ZNF385D: variants seen among roughly 807,000 people sequenced by gnomAD.
ZNF385D encodes the protein zinc finger protein 385D, also known as zinc finger protein 659.
ZNF385D carries 15 observed loss-of-function variants against 35.8 expected under a neutral mutation model. The ratio of observed to expected loss-of-function variants is 0.42; its 90% CI spans 0.28 to 0.64. The LOEUF is 0.64. Ranked by LOEUF, ZNF385D falls within the 30% of genes least tolerant of loss-of-function variation. The pLI is 0.23. For missense variants in ZNF385D, 474 were observed against 494.6 expected, an observed-to-expected ratio of 0.96 and a Z score of 0.39; for synonymous variants, 212 against 186.8, an observed-to-expected ratio of 1.13 and a Z score of -1.10.
intron 4 of ZNF385D, among the ~76,000 whole-genome samples, chr3:21,452,271 C>A (rs1020119367): frequency 3.3e-5 from 5 of 151,942 alleles, no homozygotes; most frequent in African/African-American, 9.7e-5. Flanking sequence ...GAGGTTAGAT[C>A]ACATCACTGT....
chr3:22,271,525 T>G (rs1478461661), intron 2 of ZNF385D, among the ~76,000 whole-genome samples: 1 of 151,980 alleles, frequency 6.6e-6, no homozygotes, highest in Non-Finnish European at 1.5e-5. Context: ...CCCCATTTAA[T>G]CGGGCCTCAG....
chr3:21,869,564 G>A (rs1451326236), intron 3 of ZNF385D, among the ~76,000 whole-genome samples: 1 of 151,948 alleles, frequency 6.6e-6, no homozygotes, highest in Non-Finnish European at 1.5e-5. Flanking sequence ...TATTTCTGAG[G>A]GATCAATAAT....
chr3:22,324,055 G>T (rs999748896), intron 2 of ZNF385D, among the ~76,000 whole-genome samples: 3 of 151,660 alleles, frequency 2.0e-5, no homozygotes, highest in Admixed American at 1.3e-4. Context: ...CTCCTAAAAT[G>T]ACATTTGATA....
At chr3:21,989,588 A>C (rs190764321) in intron 3 of ZNF385D, among the ~76,000 whole-genome samples, 1 of 152,298 alleles carries the variant, frequency 6.6e-6, no homozygotes, top group East Asian at 1.9e-4. Flanking sequence ...TGTCTTACAC[A>C]ATACTAAATA....
At chr3:21,860,483 A>ATTATTACCC (rs58233016) in intron 3 of ZNF385D, among the ~76,000 whole-genome samples, 132,203 of 151,672 alleles carry the variant, frequency 0.87, 58,086 homozygotes, top group South Asian at 0.93. Context: ...TTATAAGCTG[A>ATTATTACCC]TTATTAATAC....
intron 3 of ZNF385D, among the ~76,000 whole-genome samples, chr3:22,155,539 A>G (rs1422522690): frequency 6.6e-6 from 1 of 152,096 alleles, no homozygotes; most frequent in Non-Finnish European, 1.5e-5. Flanking sequence ...CTTGACTAGT[A>G]AATAAAATGA....
intron 3 of ZNF385D, among the ~76,000 whole-genome samples, chr3:22,027,081 T>C (rs1697602613): frequency 6.6e-6 from 1 of 152,234 alleles, no homozygotes; most frequent in Admixed American, 6.5e-5. Flanking sequence ...CAATTTGCCT[T>C]CAGCTGGCAA....
chr3:21,914,653 T>C (rs1204647293), intron 3 of ZNF385D, among the ~76,000 whole-genome samples: 1 of 152,074 alleles, frequency 6.6e-6, no homozygotes, highest in African/African-American at 2.4e-5. Context: ...TTCATTGTAC[T>C]GGAAGTTACA....
chr3:22,087,721 T>G (rs1701119746), intron 3 of ZNF385D, among the ~76,000 whole-genome samples: 2 of 152,300 alleles, frequency 1.3e-5, no homozygotes, highest in African/African-American at 4.8e-5. Flanking sequence ...GTTTTGTTAC[T>G]TGAAGTCAAG....
intron 3 of ZNF385D, among the ~76,000 whole-genome samples, chr3:21,904,943 TGAAAGTACAA>T (rs1408447415): frequency 4.6e-5 from 7 of 152,150 alleles, no homozygotes; most frequent in Admixed American, 2.0e-4. Flanking sequence ...TGGGTTTATC[TGAAAGTACAA>T]GAAAGAAAAA....
At chr3:21,989,159 C>T (rs918933507) in intron 3 of ZNF385D, among the ~76,000 whole-genome samples, 1 of 152,162 alleles carries the variant, frequency 6.6e-6, no homozygotes, top group Non-Finnish European at 1.5e-5. Flanking sequence ...TGTTCCTATT[C>T]GGCCATCTTG....
intron 3 of ZNF385D, among the ~76,000 whole-genome samples, chr3:21,801,547 G>C (rs923295502): frequency 6.6e-6 from 1 of 152,104 alleles, no homozygotes; most frequent in Admixed American, 6.6e-5. Flanking sequence ...TATGTAACCA[G>C]AACTTAGATG....
At chr3:22,358,610 G>A (rs902385465) in intron 2 of ZNF385D, among the ~76,000 whole-genome samples, 1 of 151,672 alleles carries the variant, frequency 6.6e-6, no homozygotes, top group Admixed American at 6.6e-5. Context: ...TTTGAGATGA[G>A]GAGATTTGAA....
intron 2 of ZNF385D, among the ~76,000 whole-genome samples, chr3:22,256,895 G>C (rs537555856): frequency 4.6e-5 from 7 of 151,914 alleles, no homozygotes; most frequent in Non-Finnish European, 1.0e-4. Flanking sequence ...GTCACATTTT[G>C]TAACCCTGTA....
chr3:21,902,132 A>C (rs976673209), intron 3 of ZNF385D, among the ~76,000 whole-genome samples: 1 of 152,176 alleles, frequency 6.6e-6, no homozygotes, highest in Non-Finnish European at 1.5e-5. Flanking sequence ...ACATTTGTAG[A>C]AATCTGTATT....
At chr3:22,347,967 T>C (rs920083391) in intron 2 of ZNF385D, among the ~76,000 whole-genome samples, 7 of 152,174 alleles carry the variant, frequency 4.6e-5, no homozygotes, top group Non-Finnish European at 1.0e-4. Flanking sequence ...ACCTGAAATA[T>C]GAATAAATTC....
intron 3 of ZNF385D, among the ~76,000 whole-genome samples, chr3:21,845,718 G>C (rs1695964093): frequency 6.6e-6 from 1 of 151,954 alleles, no homozygotes; most frequent in Non-Finnish European, 1.5e-5. Flanking sequence ...AGGATCTTCA[G>C]TGAGAAGGCT....
chr3:21,988,974 C>T (rs11719112), intron 3 of ZNF385D, among the ~76,000 whole-genome samples: 16,603 of 152,084 alleles, frequency 0.11, 1,207 homozygotes, highest in South Asian at 0.26. Context: ...GGACCCCTTG[C>T]GCTTCCCAGG....
chr3:22,362,952 A>C (rs1369388140), intron 2 of ZNF385D, among the ~76,000 whole-genome samples: 1 of 152,104 alleles, frequency 6.6e-6, no homozygotes, highest in Non-Finnish European at 1.5e-5. Flanking sequence ...AATAAAACAA[A>C]ATCTCTACTG....
Sources: allele counts gnomAD v4.1 joint callset (sites outside exome capture counted in the v4.1 genomes callset), GRCh38; gene constraint gnomAD v4.1.1; transcripts MANE v1.5; gene names NCBI Gene and HGNC (gene_info 2026-07-23, HGNC 2026-07-21).